CPLANE1: variants seen among roughly 807,000 people sequenced by gnomAD.
The protein encoded by CPLANE1 is ciliogenesis and planar polarity effector 1.
A neutral mutation model predicts 362.5 loss-of-function variants in CPLANE1; 263 were observed. That is an observed-to-expected ratio of 0.73 (90% confidence interval 0.66 to 0.80). CPLANE1 has a LOEUF of 0.80. Ranked by LOEUF, CPLANE1 falls within the 30% of genes least tolerant of loss-of-function variation. The pLI is 0.00. For missense variants in CPLANE1, 3,461 were observed against 3,793.4 expected, an observed-to-expected ratio of 0.91 and a Z score of 2.30; for synonymous variants, 1,212 against 1,302.6, an observed-to-expected ratio of 0.93 and a Z score of 1.50.
intron 16 of CPLANE1, among the ~76,000 whole-genome samples, chr5:37,213,080 T>C (rs913966799): frequency 2.6e-5 from 4 of 152,174 alleles, no homozygotes; most frequent in African/African-American, 9.7e-5. Context: ...TGGTGGCATA[T>C]GCCGATAATC....
the CPLANE1 span, among the ~76,000 whole-genome samples, chr5:37,092,401 G>A: frequency 6.6e-6 from 1 of 152,216 alleles, no homozygotes; most frequent in Non-Finnish European, 1.5e-5. Flanking sequence ...CCTCAAACCA[G>A]GTAATGCAAT....
At chr5:37,172,167 T>C (rs949993749) in intron 32 of CPLANE1, among the ~76,000 whole-genome samples, 2 of 152,144 alleles carry the variant, frequency 1.3e-5, no homozygotes, top group African/African-American at 4.8e-5. Flanking sequence ...ATTGATATCA[T>C]ATATTATACA....
chr5:37,146,104 G>C (rs1254513960), intron 43 of CPLANE1, among the ~76,000 whole-genome samples: 1 of 152,060 alleles, frequency 6.6e-6, no homozygotes. Flanking sequence ...AAGGAACCCA[G>C]AAGTTAAGAG....
chr5:37,178,443 GTT>G (rs78702395), intron 29 of CPLANE1, among the ~76,000 whole-genome samples: 2 of 142,496 alleles, frequency 1.4e-5, no homozygotes. Flanking sequence ...ACAAAAAAAT[GTT>G]TTTTTTTTTT....
At chr5:37,168,194 C>A (rs1778813494) in intron 34 of CPLANE1, among the ~76,000 whole-genome samples, 1 of 149,592 alleles carries the variant, frequency 6.7e-6, no homozygotes, top group African/African-American at 2.5e-5. Flanking sequence ...TATAAAACTA[C>A]CATTTTAATA....
chr5:37,248,269 A>C (rs747699781), intron 1 of CPLANE1, among the ~76,000 whole-genome samples: 1 of 151,662 alleles, frequency 6.6e-6, no homozygotes, highest in Non-Finnish European at 1.5e-5. Context: ...CTGGGATTAC[A>C]GGCATGCACC....
Position 37,175,901 on chromosome 5 carries a change from C to T in CPLANE1, c.5978+8G>A, listed in dbSNP as rs781095039. ...TTTTTAAATGGTATAGTAGGCAAAA[C>T]TTCTTACCTAGAAATTTCTGAACTC... On this transcript the variant is annotated splice_region_variant and intron_variant, in intron 31 of 52. Transcript: ENST00000651892. The T allele has an allele frequency of 6.2e-6, 10 of 1,602,078 alleles. No individual in the cohort carries two copies. The Admixed American group carries it at 1.0e-4, about 16-fold the overall frequency.
chr5:37,229,914 T>C (rs1270575978), intron 9 of CPLANE1, among the ~76,000 whole-genome samples: 1 of 152,124 alleles, frequency 6.6e-6, no homozygotes, highest in Admixed American at 6.5e-5. Context: ...TACAGGCTCA[T>C]GCCTGTACTT....
chr5:37,125,102 C>T (rs1763771216), intron 47 of CPLANE1, 142 bp downstream of exon 47: 2 of 1,375,558 alleles, frequency 1.5e-6, no homozygotes, highest in Admixed American at 5.1e-5. Flanking sequence ...ATTAACTTTT[C>T]CTGACTTAAG....
At chr5:37,211,545 G>C in intron 16 of CPLANE1, 1 of 1,236,922 alleles carries the variant, frequency 8.1e-7, no homozygotes, top group Non-Finnish European at 1.2e-6. Context: ...AAGGCTATGC[G>C]GGGGCACTTC....
intron 35 of CPLANE1, 68 bp from the exon 36 acceptor site, chr5:37,165,739 C>T (rs1181120120): frequency 7.0e-7 from 1 of 1,419,770 alleles, no homozygotes; most frequent in Non-Finnish European, 9.5e-7. Context: ...ATTTATCATG[C>T]TATATAGGGA....
chr5:37,077,481 CTT>C, the CPLANE1 span, among the ~76,000 whole-genome samples: 1 of 151,654 alleles, frequency 6.6e-6, no homozygotes, highest in African/African-American at 2.4e-5. Flanking sequence ...TTCCAATTCT[CTT>C]TGTTTGCATT....
the CPLANE1 span, among the ~76,000 whole-genome samples, chr5:37,099,042 T>C: frequency 1.3e-5 from 2 of 150,128 alleles, no homozygotes; most frequent in Non-Finnish European, 3.0e-5. Context: ...AAAGACATTA[T>C]AAAGATCAAA....
chr5:37,201,208 T>C (rs1211336386), intron 19 of CPLANE1, among the ~76,000 whole-genome samples: 4 of 152,208 alleles, frequency 2.6e-5, no homozygotes, highest in Non-Finnish European at 4.4e-5. Flanking sequence ...CATTATTTCA[T>C]TTGTTAGCCT....
chr5:37,157,563 A>G, intron 40 of CPLANE1, 107 bp downstream of exon 40: 2 of 1,148,146 alleles, frequency 1.7e-6, no homozygotes, highest in East Asian at 2.5e-5. Flanking sequence ...ACATCCAAAA[A>G]TACAGTGGGT....
At chr5:37,198,478 T>C (rs1373682504) in intron 20 of CPLANE1, among the ~76,000 whole-genome samples, 1 of 152,072 alleles carries the variant, frequency 6.6e-6, no homozygotes, top group African/African-American at 2.4e-5. Flanking sequence ...TGGACTAGAT[T>C]ACACTATCTT....
chr5:37,206,714 A>G (rs1790857060), intron 16 of CPLANE1, among the ~76,000 whole-genome samples: 2 of 152,138 alleles, frequency 1.3e-5, no homozygotes, highest in South Asian at 4.1e-4. Context: ...AAAGGTAAAT[A>G]CTGTTTAATG....
intron 50 of CPLANE1, among the ~76,000 whole-genome samples, chr5:37,117,689 G>A (rs1761429968): frequency 6.6e-6 from 1 of 152,158 alleles, no homozygotes; most frequent in Non-Finnish European, 1.5e-5. Context: ...ATGATGCCTT[G>A]AAGGCCAAGC....
intron 38 of CPLANE1, 99 bp downstream of exon 38, chr5:37,162,366 T>C (rs2150804402): frequency 1.4e-6 from 1 of 721,006 alleles, no homozygotes; most frequent in East Asian, 2.7e-5. Context: ...TATCACATAA[T>C]TAAAAATTCC....
Sources: gnomAD v4.1 joint callset for allele counts (sites outside exome capture counted in the v4.1 genomes callset) on GRCh38, gnomAD v4.1.1 for gene constraint, MANE v1.5 for transcripts, NCBI Gene and HGNC (gene_info 2026-07-23, HGNC 2026-07-21) for gene names.